VWA3B: variants seen among roughly 807,000 people sequenced by gnomAD.
The protein encoded by VWA3B is von Willebrand factor A domain containing 3B.
Under a neutral mutation model 158.3 loss-of-function variants are expected in VWA3B, and 138 were observed. The observed-to-expected ratio is 0.87, with a 90% CI of 0.76 to 1.00. The LOEUF (loss-of-function observed/expected upper bound fraction) is 1.00. Ranked by LOEUF, VWA3B falls within the 50% of genes least tolerant of loss-of-function variation. VWA3B has a pLI of 0.00. For missense variants in VWA3B, 1,555 were observed against 1,565.1 expected (o/e 0.99, Z 0.11); for synonymous variants, 596 against 587.3 (o/e 1.01, Z -0.21).
chr2:98,106,076 C>A (rs960652698), intron 2 of VWA3B, among the ~76,000 whole-genome samples: 26 of 152,056 alleles, frequency 1.7e-4, no homozygotes, highest in African/African-American at 6.3e-4. Context: ...CCACCATGCC[C>A]GGCTAATTTT....
At chr2:98,220,070 G>A (rs899579150) in intron 14 of VWA3B, among the ~76,000 whole-genome samples, 4 of 150,906 alleles carry the variant, frequency 2.7e-5, no homozygotes, top group African/African-American at 7.3e-5. Context: ...GGGCTAAAGC[G>A]GGAGGATCAC....
At chr2:98,101,099 T>C (rs1683048380) in intron 2 of VWA3B, among the ~76,000 whole-genome samples, 1 of 152,206 alleles carries the variant, frequency 6.6e-6, no homozygotes, top group African/African-American at 2.4e-5. Flanking sequence ...GATGTGCAAG[T>C]CCTTTTTGGA....
intron 15 of VWA3B, chr2:98,228,976 TG>T (rs1558700899): frequency 6.6e-6 from 1 of 152,154 alleles, no homozygotes; most frequent in East Asian, 1.9e-4. Context: ...GATAGAAAAT[TG>T]GGGGAAAAAA....
intron 19 of VWA3B, among the ~76,000 whole-genome samples, chr2:98,238,785 A>C (rs1196857846): frequency 6.6e-6 from 1 of 152,214 alleles, no homozygotes; most frequent in Non-Finnish European, 1.5e-5. Context: ...GTGTATCAGT[A>C]TAAAGCACCG....
intron 27 of VWA3B, 29 bp downstream of exon 27, chr2:98,312,061 TCGCTTA>T (rs773785073): frequency 1.2e-5 from 19 of 1,592,170 alleles, no homozygotes; most frequent in Non-Finnish European, 1.5e-5. Context: ...GAACACAACA[TCGCTTA>T]TCTCAGGAAC....
At chr2:98,202,821 GTTTATTTA>G (rs374333108) in intron 12 of VWA3B, among the ~76,000 whole-genome samples, 2 of 151,486 alleles carry the variant, frequency 1.3e-5, no homozygotes, top group African/African-American at 4.8e-5. Context: ...CTAGGTTGAG[GTTTATTTA>G]TTTATTTATT....
chr2:98,242,321 T>C (rs568279728), intron 19 of VWA3B: 1 of 456,138 alleles, frequency 2.2e-6, no homozygotes, highest in South Asian at 1.5e-5. Context: ...GAGGTTGCCC[T>C]AGCAACTCTT....
chr2:98,162,892 A>G lies in VWA3B; in HGVS notation c.1030A>G (p.Met344Val), dbSNP rs879860919. 6.8e-6 allele frequency: 11 copies of G among 1,613,796 alleles called. No homozygotes were observed. The highest frequency in any genetic ancestry group is 1.3e-5 in the African/African-American group (1 of 74,914). ...GGACGTGTTTCTCGTTTGGCAAGAG[A>G]TGGAGGAAGCCTGCAGCACGCTGGC... ...REDVFLVWQEMEEACSTLAQI... is the reference protein window; with the variant it reads ...REDVFLVWQEVEEACSTLAQI... Residue 344 changes from methionine (M) to valine (V), a missense_variant, in exon 8 of 28, where the codon ATG becomes GTG. Transcript: ENST00000477737.
chr2:98,131,594 C>T (rs934539590), intron 6 of VWA3B, among the ~76,000 whole-genome samples: 3 of 152,198 alleles, frequency 2.0e-5, no homozygotes, highest in African/African-American at 7.2e-5. Context: ...CTTTTCTCTG[C>T]CTCCTCAGCA....
At chr2:98,110,414 G>A (rs1186615173) in intron 2 of VWA3B, among the ~76,000 whole-genome samples, 5 of 151,760 alleles carry the variant, frequency 3.3e-5, no homozygotes, top group African/African-American at 1.2e-4. Flanking sequence ...TTCATTTTGA[G>A]AATGTTTGTA....
intron 19 of VWA3B, among the ~76,000 whole-genome samples, chr2:98,249,185 T>C (rs980094423): frequency 5.9e-5 from 9 of 152,272 alleles, no homozygotes; most frequent in Non-Finnish European, 1.5e-5. Flanking sequence ...TATTAATATA[T>C]GGAATATACC....
chr2:98,121,557 G>A, intron 5 of VWA3B, 99 bp downstream of exon 5: 1 of 1,476,418 alleles, frequency 6.8e-7, no homozygotes, highest in Non-Finnish European at 9.2e-7. Context: ...CTGATCTTGG[G>A]CCCCTCCCAG....
chr2:98,147,334 A>G (rs1677245534), intron 7 of VWA3B, among the ~76,000 whole-genome samples: 2 of 152,164 alleles, frequency 1.3e-5, no homozygotes, highest in African/African-American at 4.8e-5. Flanking sequence ...TCCAGACATA[A>G]TATAGACGAT....
chr2:98,092,986 G>A, intron 1 of VWA3B, 75 bp from the exon 2 acceptor site: 1 of 1,029,742 alleles, frequency 9.7e-7, no homozygotes, highest in Non-Finnish European at 1.4e-6. Flanking sequence ...TATAATTTAT[G>A]TTAAGCCAGT....
intron 7 of VWA3B, among the ~76,000 whole-genome samples, chr2:98,146,781 C>A (rs967956899): frequency 3.3e-5 from 5 of 152,162 alleles, no homozygotes; most frequent in Non-Finnish European, 5.9e-5. Flanking sequence ...CTCTCATTTA[C>A]CCTCATAATT....
intron 11 of VWA3B, 70 bp downstream of exon 11, chr2:98,193,106 G>A (rs1681739320): frequency 6.6e-7 from 1 of 1,509,782 alleles, no homozygotes; most frequent in African/African-American, 1.4e-5. Flanking sequence ...GTGGATAGGG[G>A]CTTGTTGCTC....
intron 7 of VWA3B, 24 bp from the exon 8 acceptor site, chr2:98,162,827 C>T: frequency 6.2e-7 from 1 of 1,612,408 alleles, no homozygotes. Context: ...CAGCCGGCCG[C>T]TCATGCTGTG....
At chr2:98,217,708 T>G (rs1259096266) in intron 13 of VWA3B, 138 bp from the exon 14 acceptor site, 1 of 682,262 alleles carries the variant, frequency 1.5e-6, no homozygotes, top group Non-Finnish European at 2.2e-6. Flanking sequence ...TGAATCGACA[T>G]GTTTTTAAGA....
intron 7 of VWA3B, among the ~76,000 whole-genome samples, chr2:98,145,420 T>C (rs1207572842): frequency 3.3e-5 from 5 of 152,194 alleles, no homozygotes; most frequent in Non-Finnish European, 5.9e-5. Flanking sequence ...CAGAAGGTGG[T>C]TGAGAAACTT....
Sources: allele counts gnomAD v4.1 joint callset (sites outside exome capture counted in the v4.1 genomes callset), GRCh38; gene constraint gnomAD v4.1.1; transcripts MANE v1.5; gene names NCBI Gene and HGNC (gene_info 2026-07-23, HGNC 2026-07-21).